TAX1BP1: variants seen among roughly 807,000 people sequenced by gnomAD.
TAX1BP1 encodes the protein Tax1 binding protein 1.
In TAX1BP1, 62 loss-of-function variants were observed where a neutral mutation model predicts 97.7. That is an observed-to-expected ratio of 0.63 (90% confidence interval 0.52 to 0.78). TAX1BP1 has a LOEUF of 0.78. TAX1BP1 is among the 30% of genes least tolerant of loss of function. The pLI is 0.00. For synonymous variants in TAX1BP1, 340 were observed against 304.2 expected (o/e 1.12, Z -1.23); for missense variants, 867 against 916.1 (o/e 0.95, Z 0.69).
At chr7:27,812,386 T>C (rs996823751) in intron 13 of TAX1BP1, among the ~76,000 whole-genome samples, 2 of 152,228 alleles carry the variant, frequency 1.3e-5, no homozygotes, top group Non-Finnish European at 2.9e-5. Flanking sequence ...ATCCCAGATA[T>C]AATTCCTTTG....
chr7:27,806,436 A>G (rs1024156394), intron 13 of TAX1BP1, among the ~76,000 whole-genome samples: 5 of 151,954 alleles, frequency 3.3e-5, no homozygotes, highest in Non-Finnish European at 7.4e-5. Flanking sequence ...ATTCTTGGAT[A>G]TCACAGAAGG....
chr7:27,750,746 A>AT (rs1169756128), intron 2 of TAX1BP1, among the ~76,000 whole-genome samples: 4 of 152,088 alleles, frequency 2.6e-5, no homozygotes, highest in African/African-American at 2.4e-5. Flanking sequence ...ATATTTTTTC[A>AT]TTTTTTTAAA....
chr7:27,791,968 G>C (rs1166628948), intron 8 of TAX1BP1, 38 bp from the exon 9 acceptor site: 2 of 1,587,942 alleles, frequency 1.3e-6, no homozygotes, highest in Admixed American at 3.4e-5. Context: ...TTTTACTTGA[G>C]TGGTTGAATT....
chr7:27,802,801 A>C (rs1377292768), intron 13 of TAX1BP1, among the ~76,000 whole-genome samples: 1 of 152,146 alleles, frequency 6.6e-6, no homozygotes, highest in Non-Finnish European at 1.5e-5. Flanking sequence ...ATATTGAGAG[A>C]AGAGGCCAAA....
At chr7:27,749,748 A>G (rs1787955435) in intron 2 of TAX1BP1, among the ~76,000 whole-genome samples, 1 of 152,186 alleles carries the variant, frequency 6.6e-6, no homozygotes, top group African/African-American at 2.4e-5. Context: ...AAAATGGAGA[A>G]ACATTCATTG....
Position 27,778,098 on chromosome 7 carries a change from G to A in TAX1BP1, c.613-7065G>A, listed in dbSNP as rs1789105318. ...GTTTAAAAGCCTGTATGGTTTTTCT[G>A]CACGTATTTGGCATTCTGTTCTTAG... On this transcript the variant is annotated intron_variant, in intron 5 of 16. Coordinates refer to ENST00000396319, the MANE Select transcript of TAX1BP1 (RefSeq NM_006024.7). Among the ~76,000 whole-genome samples the A allele has an allele frequency of 2.0e-5, 3 of 152,092 alleles. No individual in the cohort carries two copies. The South Asian group carries it at 6.2e-4, about 32-fold the overall frequency.
At chr7:27,808,925 C>T (rs1227927221) in intron 13 of TAX1BP1, among the ~76,000 whole-genome samples, 1 of 152,150 alleles carries the variant, frequency 6.6e-6, no homozygotes, top group Non-Finnish European at 1.5e-5. Flanking sequence ...GATTCTTGAC[C>T]ATTTTTGTTT....
At chr7:27,747,270 A>T (rs1478301614) in intron 1 of TAX1BP1, among the ~76,000 whole-genome samples, 2 of 152,116 alleles carry the variant, frequency 1.3e-5, no homozygotes, top group African/African-American at 4.8e-5. Flanking sequence ...GTAAATCCTC[A>T]TTTGTTTCTG....
chr7:27,771,177 CTT>C (rs1301315712), intron 5 of TAX1BP1, among the ~76,000 whole-genome samples: 2 of 81,084 alleles, frequency 2.5e-5, no homozygotes, highest in Non-Finnish European at 4.8e-5. Context: ...TTATTACTCT[CTT>C]TTTCTCCATT....
chr7:27,774,500 TATGGAATAAATAGATAACA>T (rs1386614852), intron 5 of TAX1BP1, among the ~76,000 whole-genome samples: 2 of 152,154 alleles, frequency 1.3e-5, no homozygotes, highest in African/African-American at 4.8e-5. Context: ...ATCAAGTATT[TATGGAATAAATAGATAACA>T]ATGAGTTTTG....
intron 2 of TAX1BP1, among the ~76,000 whole-genome samples, chr7:27,752,406 T>A (rs989191405): frequency 1.3e-5 from 2 of 152,198 alleles, no homozygotes; most frequent in Non-Finnish European, 2.9e-5. Flanking sequence ...AGCAGCAATT[T>A]TATGACTTTT....
intron 5 of TAX1BP1, among the ~76,000 whole-genome samples, chr7:27,771,350 G>A (rs1345890020): frequency 6.6e-6 from 1 of 150,560 alleles, no homozygotes; most frequent in Non-Finnish European, 1.5e-5. Context: ...AAGCCCATGA[G>A]ATCAAGAATA....
Position 27,828,908 on chromosome 7 carries a change from G to C in TAX1BP1, c.*79G>C, listed in dbSNP as rs1342611951. On this transcript the variant is annotated 3_prime_UTR_variant, in exon 17 of 17. Coordinates refer to ENST00000396319, the MANE Select transcript of TAX1BP1 (RefSeq NM_006024.7). ...CACACCTAAAATAGACCACTGAGGA[G>C]ACCATAGAGCGGATGCTTTCATGCA... is the stretch of plus-strand genomic sequence containing the variant. The C allele has an allele frequency of 1.6e-6, 2 of 1,219,270 alleles. No individual in the cohort carries two copies. Among genetic ancestry groups the C allele is most frequent in the Non-Finnish European group, 2.3e-6 (2 of 877,362 alleles). The allele number at this position is 1,219,270 out of a possible 1,614,324, so 75.5% of individuals were successfully genotyped here.
chr7:27,824,411 G>A (rs1257517507), intron 15 of TAX1BP1, among the ~76,000 whole-genome samples: 5 of 151,540 alleles, frequency 3.3e-5, no homozygotes, highest in Admixed American at 2.0e-4. Flanking sequence ...AAAAAATACC[G>A]AGTGTGGTGG....
chr7:27,753,082 T>C (rs1029866627), intron 2 of TAX1BP1, among the ~76,000 whole-genome samples: 1 of 152,120 alleles, frequency 6.6e-6, no homozygotes. Context: ...GGCAGATCAC[T>C]TCAGGTCAGG....
chr7:27,803,483 C>G (rs2128321181), intron 13 of TAX1BP1, among the ~76,000 whole-genome samples: 1 of 152,232 alleles, frequency 6.6e-6, no homozygotes, highest in South Asian at 2.1e-4. Context: ...TTTGGTGGTT[C>G]CCAATCCCCT....
At chr7:27,820,294 C>T (rs557287274) in intron 15 of TAX1BP1, among the ~76,000 whole-genome samples, 2 of 152,210 alleles carry the variant, frequency 1.3e-5, no homozygotes, top group Admixed American at 6.5e-5. Flanking sequence ...CACATGAGCC[C>T]TTCACTGTGA....
chr7:27,792,967 C>CA (rs752888862), intron 9 of TAX1BP1, 99 bp from the exon 10 acceptor site: 148 of 1,176,192 alleles, frequency 1.3e-4, no homozygotes, highest in East Asian at 4.4e-4. Flanking sequence ...GTCTCAAAAA[C>CA]AAAAAAAAGA....
intron 13 of TAX1BP1, among the ~76,000 whole-genome samples, chr7:27,812,877 G>A (rs1326784700): frequency 2.0e-5 from 3 of 151,984 alleles, no homozygotes; most frequent in Non-Finnish European, 2.9e-5. Flanking sequence ...GCTAAATCTG[G>A]CTTTATATAA....
Sources: allele counts gnomAD v4.1 joint callset (sites outside exome capture counted in the v4.1 genomes callset), GRCh38; gene constraint gnomAD v4.1.1; transcripts MANE v1.5; gene names NCBI Gene and HGNC (gene_info 2026-07-23, HGNC 2026-07-21).